The following JPH1 variants were observed in gnomAD, a reference collection of about 807,000 sequenced individuals.
The protein encoded by JPH1 is junctophilin 1, also known as junctophilin-1.
In JPH1, 12 loss-of-function variants were observed where a neutral mutation model predicts 53.6. That is an observed-to-expected ratio of 0.22 (90% CI 0.14 to 0.36). The LOEUF (loss-of-function observed/expected upper bound fraction) is 0.36. JPH1 is among the 10% of genes least tolerant of loss of function. The pLI, the probability that JPH1 is intolerant of heterozygous loss-of-function variation, is 1.00. For missense variants in JPH1, 808 were observed against 905.5 expected, an observed-to-expected ratio of 0.89 and a Z score of 1.38; for synonymous variants, 375 against 363.8, an observed-to-expected ratio of 1.03 and a Z score of -0.35.
chr8:74,316,367 T>G (rs977267948), intron 1 of JPH1, among the ~76,000 whole-genome samples: 6 of 152,198 alleles, frequency 3.9e-5, no homozygotes, highest in African/African-American at 1.4e-4. Flanking sequence ...ATTTGCCAAA[T>G]CTCTGCATCC....
chr8:74,263,680 A>T (rs1806456175), intron 2 of JPH1, among the ~76,000 whole-genome samples: 1 of 152,208 alleles, frequency 6.6e-6, no homozygotes, highest in East Asian at 1.9e-4. Context: ...CACCAGAGTT[A>T]GTACAAAGGT....
At chr8:74,310,214 C>T (rs2131458700) in intron 2 of JPH1, among the ~76,000 whole-genome samples, 1 of 151,474 alleles carries the variant, frequency 6.6e-6, no homozygotes, top group South Asian at 2.1e-4. Flanking sequence ...TAGCATGGAG[C>T]AGTCTCAGTA....
chr8:74,269,965 T>G (rs1806649682), intron 2 of JPH1, among the ~76,000 whole-genome samples: 1 of 152,270 alleles, frequency 6.6e-6, no homozygotes, highest in African/African-American at 2.4e-5. Flanking sequence ...AGAGTTCATC[T>G]TCTTGTATTC....
intron 3 of JPH1, among the ~76,000 whole-genome samples, chr8:74,259,085 T>C (rs1212357206): frequency 6.6e-6 from 1 of 152,232 alleles, no homozygotes; most frequent in Non-Finnish European, 1.5e-5. Context: ...CTCCAGGCTA[T>C]GTGTATAAGG....
chr8:74,277,692 G>C (rs1806887711), intron 2 of JPH1, among the ~76,000 whole-genome samples: 1 of 152,178 alleles, frequency 6.6e-6, no homozygotes, highest in Non-Finnish European at 1.5e-5. Flanking sequence ...AATAGTGGTA[G>C]AACCCACCTC....
intron 2 of JPH1, among the ~76,000 whole-genome samples, chr8:74,304,410 G>A (rs1807773911): frequency 6.6e-6 from 1 of 152,186 alleles, no homozygotes; most frequent in Admixed American, 6.5e-5. Context: ...TCATTTGGCT[G>A]AGCAGGAAGC....
chr8:74,240,576 G>C (rs1357110086), intron 4 of JPH1, among the ~76,000 whole-genome samples: 3 of 152,174 alleles, frequency 2.0e-5, no homozygotes, highest in Non-Finnish European at 4.4e-5. Flanking sequence ...CATTCTGGAT[G>C]TTCCACCTGT....
intron 4 of JPH1, among the ~76,000 whole-genome samples, chr8:74,239,550 T>A (rs1467324298): frequency 6.6e-6 from 1 of 152,212 alleles, no homozygotes; most frequent in South Asian, 2.1e-4. Context: ...TTATGGTTAA[T>A]TTAGAGCATA....
At chr8:74,277,889 G>A (rs1159846574) in intron 2 of JPH1, among the ~76,000 whole-genome samples, 3 of 151,986 alleles carry the variant, frequency 2.0e-5, no homozygotes, top group African/African-American at 7.2e-5. Flanking sequence ...AAAAAAAACA[G>A]GAAGAGTCTC....
At chr8:74,282,603 A>T (rs1412438361) in intron 2 of JPH1, among the ~76,000 whole-genome samples, 2 of 152,214 alleles carry the variant, frequency 1.3e-5, no homozygotes, top group African/African-American at 2.4e-5. Context: ...CGGAAGCTGA[A>T]AAAGTTAATC....
At chr8:74,246,601 G>GA (rs5892445) in intron 3 of JPH1, among the ~76,000 whole-genome samples, 119,940 of 151,398 alleles carry the variant, frequency 0.79, 48,105 homozygotes, top group African/African-American at 0.92. Context: ...TATAGCAACT[G>GA]AAAAAAAAAT....
At chr8:74,307,023 T>C (rs1282841120) in intron 2 of JPH1, among the ~76,000 whole-genome samples, 1 of 152,104 alleles carries the variant, frequency 6.6e-6, no homozygotes, top group African/African-American at 2.4e-5. Flanking sequence ...AATTGCCTGC[T>C]AACTTCACAC....
chr8:74,294,485 C>G (rs1807442601), intron 2 of JPH1, among the ~76,000 whole-genome samples: 1 of 152,198 alleles, frequency 6.6e-6, no homozygotes. Context: ...TCAAAATGAG[C>G]ACTAGGCACA....
chr8:74,308,909 T>C (rs1189024438), intron 2 of JPH1, among the ~76,000 whole-genome samples: 2 of 152,234 alleles, frequency 1.3e-5, no homozygotes, highest in Admixed American at 1.3e-4. Context: ...AGGGGAGATC[T>C]GCATGAAAAT....
intron 3 of JPH1, among the ~76,000 whole-genome samples, chr8:74,255,183 G>C (rs1453297779): frequency 1.3e-5 from 2 of 152,082 alleles, no homozygotes; most frequent in South Asian, 4.1e-4. Flanking sequence ...CATGGTAGTG[G>C]TACCAAAACA....
chr8:74,288,359 G>A (rs1807229678), intron 2 of JPH1, among the ~76,000 whole-genome samples: 1 of 152,128 alleles, frequency 6.6e-6, no homozygotes, highest in African/African-American at 2.4e-5. Context: ...GGCTGCCTCT[G>A]AAAACCCATT....
At position 74,245,913 on chromosome 8, in the gene JPH1, AT is replaced by A. The variant is rs1318403257; in HGVS notation, c.1259-739del. 2.8e-5 allele frequency among the ~76,000 whole-genome samples: 4 copies of A among 145,200 alleles called. No homozygotes were observed. In the South Asian group the frequency reaches 6.5e-4, roughly 23 times the overall value. On this transcript the variant is annotated intron_variant, in intron 3 of 5. Coordinates refer to ENST00000342232, the MANE Select transcript of JPH1 (RefSeq NM_020647.4). ...TATTCTTCTGACAGAGGAGGAAAAA[AT>A]GAAAAAAAAAAAAAAAAAGTGGCCC...
rs562511805 is a variant in JPH1 at position 74,235,606 on chromosome 8, T to C, written c.*1445A>G. ...ATAAAGATTTAATAGATTAGATAGA[T>C]ATCTTTCTTCCCCTGATTTCTTTTT... On this transcript the variant is annotated 3_prime_UTR_variant, in exon 6 of 6. Coordinates refer to ENST00000342232, the MANE Select transcript of JPH1 (RefSeq NM_020647.4). 2.0e-5 allele frequency: 3 copies of C among 152,786 alleles called. No individual in the cohort carries two copies. Among genetic ancestry groups the C allele is most frequent in the African/African-American group, 7.2e-5 (3 of 41,594 alleles). 9.5% of individuals were successfully genotyped at this position (152,786 alleles called of 1,614,324 possible).
intron 2 of JPH1, among the ~76,000 whole-genome samples, chr8:74,283,306 A>T (rs1807066788): frequency 6.6e-6 from 1 of 152,064 alleles, no homozygotes; most frequent in Non-Finnish European, 1.5e-5. Flanking sequence ...TGTGTGGCAT[A>T]GTGTCATTTA....
Sources: gnomAD v4.1 joint callset for allele counts (sites outside exome capture counted in the v4.1 genomes callset) on GRCh38, gnomAD v4.1.1 for gene constraint, MANE v1.5 for transcripts, NCBI Gene and HGNC (gene_info 2026-07-23, HGNC 2026-07-21) for gene names.